Variants in SH3RF3 observed in about 807,000 individuals in gnomAD.
SH3RF3 encodes SH3 domain containing ring finger 3.
In SH3RF3, 29 loss-of-function variants were observed where a neutral mutation model predicts 66.3. The ratio of observed to expected loss-of-function variants is 0.44; its 90% CI spans 0.33 to 0.60. The LOEUF (loss-of-function observed/expected upper bound fraction) is 0.60, where lower values mean the gene tolerates loss of function less well. Ranked by LOEUF, SH3RF3 falls within the 20% of genes least tolerant of loss-of-function variation. The probability of loss-of-function intolerance (pLI) is 0.04; values close to 1 mark genes in which losing one functional copy is unlikely to be tolerated. For synonymous variants in SH3RF3, 583 were observed against 532.0 expected (o/e 1.10, Z -1.32); for missense variants, 1,194 against 1,190.9 (o/e 1.00, Z -0.04).
At chr2:109,172,147 C>T (rs929216326) in intron 1 of SH3RF3, among the ~76,000 whole-genome samples, 7 of 152,170 alleles carry the variant, frequency 4.6e-5, no homozygotes, top group African/African-American at 7.2e-5. Context: ...GCAGGTCTCC[C>T]GGAGCCATCT....
At chr2:109,184,797 A>G (rs772921069) in intron 1 of SH3RF3, among the ~76,000 whole-genome samples, 1 of 152,240 alleles carries the variant, frequency 6.6e-6, no homozygotes, top group Non-Finnish European at 1.5e-5. Flanking sequence ...GCCACATACA[A>G]GAAAGTATTT....
At chr2:109,219,313 A>C (rs1016496673) in intron 1 of SH3RF3, among the ~76,000 whole-genome samples, 4 of 152,142 alleles carry the variant, frequency 2.6e-5, no homozygotes, top group Non-Finnish European at 5.9e-5. Flanking sequence ...GTAATTACAT[A>C]AGGTTTCTAC....
At chr2:109,193,019 A>G (rs897286004) in intron 1 of SH3RF3, among the ~76,000 whole-genome samples, 3 of 152,242 alleles carry the variant, frequency 2.0e-5, no homozygotes, top group African/African-American at 7.2e-5. Context: ...AAAAGTTGTA[A>G]TACAGATCCA....
intron 8 of SH3RF3, among the ~76,000 whole-genome samples, chr2:109,488,302 G>A (rs1335048388): frequency 1.3e-5 from 2 of 152,172 alleles, no homozygotes; most frequent in Admixed American, 6.5e-5. Flanking sequence ...GATGCCAGCA[G>A]CACCCCTGAG....
Position 109,347,901 on chromosome 2 carries a change from C to G in SH3RF3, c.801C>G (p.Phe267Leu), listed in dbSNP as rs376181550. ...CCCAGGGAAAAGCACTTTATGATTT[C>G]GAGATGAAGGACAAAGACCAAGACA... The part of the protein sequence containing the change: ...APPQGKALYD[F>L]EMKDKDQDKD... Residue 267 changes from phenylalanine (F) to leucine (L), a missense_variant, in exon 2 of 10, where the codon TTC becomes TTG. Transcript: ENST00000309415. The G allele has an allele frequency of 1.9e-6, 3 of 1,611,024 alleles. No individual in the cohort carries two copies. The highest frequency in any genetic ancestry group is 1.7e-6 in the Non-Finnish European group (2 of 1,178,718).
chr2:109,193,616 T>G (rs1452128724), intron 1 of SH3RF3, among the ~76,000 whole-genome samples: 1 of 152,234 alleles, frequency 6.6e-6, no homozygotes, highest in Non-Finnish European at 1.5e-5. Context: ...TTCTGTTGTA[T>G]GGATGCACCA....
intron 1 of SH3RF3, among the ~76,000 whole-genome samples, chr2:109,236,761 G>T (rs1055100672): frequency 6.6e-6 from 1 of 152,154 alleles, no homozygotes; most frequent in Non-Finnish European, 1.5e-5. Flanking sequence ...AACTGGTGCT[G>T]CCCTGAAGTG....
chr2:109,477,910 C>T (rs1196474971), intron 8 of SH3RF3, among the ~76,000 whole-genome samples: 1 of 152,116 alleles, frequency 6.6e-6, no homozygotes, highest in Non-Finnish European at 1.5e-5. Context: ...GTGCAGCAGC[C>T]CCACACCCTT....
At chr2:109,292,439 T>C (rs184216193) in intron 1 of SH3RF3, among the ~76,000 whole-genome samples, 48 of 152,356 alleles carry the variant, frequency 3.2e-4, no homozygotes, top group Non-Finnish European at 5.7e-4. Flanking sequence ...TACACTAAAA[T>C]GTTCTCAAAA....
chr2:109,369,110 C>T (rs1310788021), intron 2 of SH3RF3, among the ~76,000 whole-genome samples: 4 of 151,740 alleles, frequency 2.6e-5, no homozygotes, highest in African/African-American at 7.3e-5. Context: ...TTTGGGAGGC[C>T]GAGGTGGGCA....
chr2:109,463,402 C>G (rs1360184911), intron 8 of SH3RF3, among the ~76,000 whole-genome samples: 1 of 152,188 alleles, frequency 6.6e-6, no homozygotes, highest in Non-Finnish European at 1.5e-5. Flanking sequence ...CCAGTCACTT[C>G]CAGGTTTCCC....
chr2:109,171,594 C>A (rs901649024), intron 1 of SH3RF3, among the ~76,000 whole-genome samples: 1 of 152,248 alleles, frequency 6.6e-6, no homozygotes, highest in Admixed American at 6.5e-5. Context: ...TTCCTTCTCG[C>A]CGCCCCTGGT....
Position 109,429,801 on chromosome 2 carries a change from C to T in SH3RF3, c.1404-2700C>T, listed in dbSNP as rs574659931. Among the ~76,000 whole-genome samples the T allele has an allele frequency of 5.3e-5, 8 of 152,342 alleles. No homozygotes were observed. The South Asian group carries it at 1.2e-3, about 24-fold the overall frequency. ...CACAGACAGCCCTGGGGAGGAAGCA[C>T]GTTGCACAGGGCCACCCGAGCAGAG... On this transcript the variant is annotated intron_variant, in intron 5 of 9. Transcript: ENST00000309415.
intron 2 of SH3RF3, among the ~76,000 whole-genome samples, chr2:109,362,153 A>G (rs1050536939): frequency 6.6e-6 from 1 of 151,990 alleles, no homozygotes; most frequent in Non-Finnish European, 1.5e-5. Context: ...GTGAAGATTT[A>G]GATTATTTAT....
chr2:109,197,315 T>G (rs1027440863), intron 1 of SH3RF3, among the ~76,000 whole-genome samples: 17 of 152,168 alleles, frequency 1.1e-4, no homozygotes, highest in African/African-American at 4.1e-4. Context: ...GCTGCTGTTC[T>G]GCCTGACACA....
chr2:109,489,254 G>GAT (rs1679064372), intron 8 of SH3RF3, among the ~76,000 whole-genome samples: 1 of 152,260 alleles, frequency 6.6e-6, no homozygotes, highest in African/African-American at 2.4e-5. Flanking sequence ...GGGTGATGGG[G>GAT]ATGGTCCCTT....
chr2:109,297,033 C>T (rs1328378193), intron 1 of SH3RF3, among the ~76,000 whole-genome samples: 1 of 151,936 alleles, frequency 6.6e-6, no homozygotes, highest in Non-Finnish European at 1.5e-5. Context: ...GTATGCCTGG[C>T]CCTGGGTATT....
intron 8 of SH3RF3, among the ~76,000 whole-genome samples, chr2:109,452,320 A>C (rs919266933): frequency 6.6e-6 from 1 of 152,170 alleles, no homozygotes; most frequent in Admixed American, 6.5e-5. Context: ...AGGCTTCCTA[A>C]CTTTGGGCAA....
At chr2:109,192,010 C>T (rs1288630221) in intron 1 of SH3RF3, among the ~76,000 whole-genome samples, 1 of 152,160 alleles carries the variant, frequency 6.6e-6, no homozygotes, top group Non-Finnish European at 1.5e-5. Context: ...CACCTCAACC[C>T]CTGCAGTCAT....
Sources: gnomAD v4.1 joint callset for allele counts (sites outside exome capture counted in the v4.1 genomes callset) on GRCh38, gnomAD v4.1.1 for gene constraint, MANE v1.5 for transcripts, NCBI Gene and HGNC (gene_info 2026-07-23, HGNC 2026-07-21) for gene names.